BTBD9: variants seen among roughly 807,000 people sequenced by gnomAD.
BTBD9 encodes the protein BTB domain containing 9.
A neutral mutation model predicts 64.3 loss-of-function variants in BTBD9; 49 were observed. The observed-to-expected ratio is 0.76, with a 90% CI of 0.61 to 0.97. BTBD9 has a LOEUF of 0.97. Among genes scored for constraint, BTBD9 ranks in the 50% least tolerant of loss-of-function variants. The pLI, the probability that BTBD9 is intolerant of heterozygous loss-of-function variation, is 0.00. For missense variants in BTBD9, 598 were observed against 762.1 expected (o/e 0.78, Z 2.53); for synonymous variants, 260 against 274.7 (o/e 0.95, Z 0.53).
intron 6 of BTBD9, among the ~76,000 whole-genome samples, chr6:38,399,918 A>ATTT (rs562182320): frequency 6.4e-5 from 9 of 140,744 alleles, no homozygotes; most frequent in Admixed American, 2.8e-4. Context: ...TGCCCAGCTA[A>ATTT]TTTTTTTTTT....
intron 4 of BTBD9, 73 bp downstream of exon 4, chr6:38,592,503 T>C (rs1273251882): frequency 1.3e-6 from 2 of 1,528,410 alleles, no homozygotes; most frequent in Non-Finnish European, 1.8e-6. Flanking sequence ...GGTTCTGTAG[T>C]AGCTTTGCGG....
chr6:38,197,234 A>AT (rs1334757271), intron 9 of BTBD9, among the ~76,000 whole-genome samples: 1 of 152,218 alleles, frequency 6.6e-6, no homozygotes, highest in African/African-American at 2.4e-5. Flanking sequence ...GGCAATCTGA[A>AT]TCCCATTTCA....
intron 6 of BTBD9, among the ~76,000 whole-genome samples, chr6:38,401,642 G>A (rs1263950157): frequency 6.6e-6 from 1 of 152,144 alleles, no homozygotes; most frequent in East Asian, 1.9e-4. Flanking sequence ...TTAATCTATT[G>A]TCTAGGTTCC....
intron 10 of BTBD9, chr6:38,179,781 C>CGTAT: frequency 2.2e-6 from 1 of 456,766 alleles, no homozygotes; most frequent in Non-Finnish European, 4.4e-6. Context: ...AGTAATATTT[C>CGTAT]ATACATCAGA....
At chr6:38,227,144 AATGCT>A (rs757817417) in intron 9 of BTBD9, among the ~76,000 whole-genome samples, 1 of 152,188 alleles carries the variant, frequency 6.6e-6, no homozygotes, top group Non-Finnish European at 1.5e-5. Context: ...AGAGAAACCA[AATGCT>A]ATACTGAAAG....
At chr6:38,247,700 A>G (rs1353206089) in intron 9 of BTBD9, among the ~76,000 whole-genome samples, 1 of 152,254 alleles carries the variant, frequency 6.6e-6, no homozygotes, top group African/African-American at 2.4e-5. Flanking sequence ...TAAGGAGCCC[A>G]TGGAGAGAAG....
intron 6 of BTBD9, among the ~76,000 whole-genome samples, chr6:38,374,305 A>ATATATATATATATATATG (rs1459305916): frequency 4.5e-5 from 3 of 66,598 alleles, no homozygotes; most frequent in South Asian, 5.1e-4. Flanking sequence ...ATGTATATAT[A>ATATATATATATATATATG]TGTATATATA....
At chr6:38,497,889 A>C (rs1772022962) in intron 6 of BTBD9, among the ~76,000 whole-genome samples, 1 of 152,232 alleles carries the variant, frequency 6.6e-6, no homozygotes, top group Non-Finnish European at 1.5e-5. Flanking sequence ...GCTACAGTCA[A>C]ACTGCAAGCA....
At chr6:38,326,544 T>G (rs984236018) in intron 7 of BTBD9, among the ~76,000 whole-genome samples, 1 of 152,120 alleles carries the variant, frequency 6.6e-6, no homozygotes, top group Non-Finnish European at 1.5e-5. Context: ...TGGTGGTGGC[T>G]TGCGCTAGGG....
At chr6:38,501,873 T>C (rs1475561840) in intron 6 of BTBD9, among the ~76,000 whole-genome samples, 1 of 152,220 alleles carries the variant, frequency 6.6e-6, no homozygotes, top group African/African-American at 2.4e-5. Flanking sequence ...AAAAATGATA[T>C]CTATATTGAC....
chr6:38,571,292 G>C (rs1775755358), intron 6 of BTBD9, among the ~76,000 whole-genome samples: 1 of 152,188 alleles, frequency 6.6e-6, no homozygotes. Flanking sequence ...TCAATGCCCA[G>C]TTATGGGCAG....
chr6:38,331,437 C>T (rs936931447), intron 7 of BTBD9, among the ~76,000 whole-genome samples: 1 of 152,118 alleles, frequency 6.6e-6, no homozygotes, highest in African/African-American at 2.4e-5. Flanking sequence ...GAGATCACGC[C>T]ACTGCACTCC....
At chr6:38,564,886 T>C (rs974411056) in intron 6 of BTBD9, among the ~76,000 whole-genome samples, 6 of 151,858 alleles carry the variant, frequency 4.0e-5, no homozygotes, top group African/African-American at 9.7e-5. Context: ...AGCAAGACTC[T>C]GTCTCAAAAA....
intron 6 of BTBD9, among the ~76,000 whole-genome samples, chr6:38,400,213 T>C (rs547218084): frequency 6.6e-6 from 1 of 152,282 alleles, no homozygotes; most frequent in African/African-American, 2.4e-5. Flanking sequence ...CTCTGTAGTA[T>C]CTTTAATTGC....
intron 1 of BTBD9, among the ~76,000 whole-genome samples, chr6:38,610,879 T>C (rs2127512340): frequency 6.7e-6 from 1 of 150,128 alleles, no homozygotes; most frequent in Non-Finnish European, 1.5e-5. Context: ...TATAAGGTTA[T>C]TAATTACAGC....
chr6:38,295,534 C>T (rs1319306475), intron 7 of BTBD9, among the ~76,000 whole-genome samples: 1 of 152,130 alleles, frequency 6.6e-6, no homozygotes, highest in African/African-American at 2.4e-5. Flanking sequence ...CTAATTTTCT[C>T]CTACAATTTC....
At chr6:38,371,585 GA>G (rs1765430028) in intron 6 of BTBD9, among the ~76,000 whole-genome samples, 1 of 152,194 alleles carries the variant, frequency 6.6e-6, no homozygotes, top group Non-Finnish European at 1.5e-5. Flanking sequence ...CCATCGCCAT[GA>G]TTCATTAATG....
intron 7 of BTBD9, among the ~76,000 whole-genome samples, chr6:38,332,831 C>T (rs987273757): frequency 5.3e-5 from 8 of 152,158 alleles, no homozygotes; most frequent in Non-Finnish European, 1.2e-4. Context: ...GTTCAGTGCT[C>T]TTTAAAAATT....
At chr6:38,388,361 A>T (rs1766272974) in intron 6 of BTBD9, among the ~76,000 whole-genome samples, 1 of 152,180 alleles carries the variant, frequency 6.6e-6, no homozygotes, top group Non-Finnish European at 1.5e-5. Context: ...GCTCTCTAAC[A>T]TTAGGGGCTG....
Sources: allele counts gnomAD v4.1 joint callset (sites outside exome capture counted in the v4.1 genomes callset), GRCh38; gene constraint gnomAD v4.1.1; transcripts MANE v1.5; gene names NCBI Gene and HGNC (gene_info 2026-07-23, HGNC 2026-07-21).